The following RAD18 variants were observed in gnomAD, a reference collection of about 807,000 sequenced individuals.
The protein encoded by RAD18 is RAD18 E3 ubiquitin protein ligase.
Under a neutral mutation model 60.4 loss-of-function variants are expected in RAD18, and 47 were observed. The observed-to-expected ratio is 0.78, with a 90% CI of 0.62 to 0.99. The LOEUF is 0.99. Among genes scored for constraint, RAD18 ranks in the 50% least tolerant of loss-of-function variants. The pLI is 0.00. For synonymous variants in RAD18, 225 were observed against 195.5 expected (o/e 1.15, Z -1.26); for missense variants, 640 against 593.3 (o/e 1.08, Z -0.82).
At chr3:8,951,999 G>A (rs1312148975) in intron 2 of RAD18, among the ~76,000 whole-genome samples, 1 of 152,082 alleles carries the variant, frequency 6.6e-6, no homozygotes, top group East Asian at 1.9e-4. Context: ...CCCATCACTA[G>A]GGCTCCACTG....
chr3:8,936,736 CA>C (rs1940660034), intron 6 of RAD18, among the ~76,000 whole-genome samples: 1 of 152,190 alleles, frequency 6.6e-6, no homozygotes, highest in Non-Finnish European at 1.5e-5. Flanking sequence ...CTAGCTCACA[CA>C]AGGCTGTCCC....
At chr3:8,898,647 G>A (rs958063075) in intron 11 of RAD18, among the ~76,000 whole-genome samples, 7 of 151,946 alleles carry the variant, frequency 4.6e-5, no homozygotes, top group East Asian at 1.9e-4. Context: ...CTTTTCCAAC[G>A]GTAGGAAAAG....
At chr3:8,905,416 C>T (rs565676430) in intron 9 of RAD18, among the ~76,000 whole-genome samples, 118 of 152,180 alleles carry the variant, frequency 7.8e-4, no homozygotes, top group African/African-American at 2.8e-3. Flanking sequence ...AACCCAGAAC[C>T]CAGTGGTACA....
At chr3:8,884,379 C>T (rs1939521998) in intron 12 of RAD18, among the ~76,000 whole-genome samples, 1 of 152,138 alleles carries the variant, frequency 6.6e-6, no homozygotes, top group Non-Finnish European at 1.5e-5. Context: ...CAGAGAATTT[C>T]CACCATTTTT....
rs767322597 is a variant in RAD18, at chr3:8,902,480, C to G, written c.1068G>C (p.Gln356His). ...CAATTTTCTTGTATCCTTTTCTAGC[C>G]TGATCCACCAGAAGCTGAAATTCAC... ...HKSEFQLLVD[Q>H]ARKGYKKIAG... The change falls in exon 10 of 13, where the codon CAG becomes CAC. Residue 356 changes from glutamine to histidine, a missense_variant. Transcript: ENST00000264926. The G allele has an allele frequency of 1.2e-6, 2 of 1,607,452 alleles. No homozygotes were observed. Among genetic ancestry groups the G allele is most frequent in the African/African-American group, 1.3e-5 (1 of 74,446 alleles).
intron 4 of RAD18, among the ~76,000 whole-genome samples, chr3:8,945,405 T>C (rs1574824475): frequency 6.6e-6 from 1 of 151,758 alleles, no homozygotes; most frequent in East Asian, 1.9e-4. Context: ...TTCCCATTGC[T>C]AAGTGACATC....
intron 9 of RAD18, among the ~76,000 whole-genome samples, chr3:8,907,276 G>A (rs983709688): frequency 6.6e-6 from 1 of 151,998 alleles, no homozygotes; most frequent in East Asian, 1.9e-4. Context: ...CATATGTTTT[G>A]TACATTCATT....
At chr3:8,923,994 A>G (rs1354536938) in intron 7 of RAD18, among the ~76,000 whole-genome samples, 1 of 152,238 alleles carries the variant, frequency 6.6e-6, no homozygotes, top group African/African-American at 2.4e-5. Flanking sequence ...GGCTAGGAAG[A>G]AACTGCATCA....
At chr3:8,910,481 T>A (rs1238290377) in intron 9 of RAD18, among the ~76,000 whole-genome samples, 1 of 151,712 alleles carries the variant, frequency 6.6e-6, no homozygotes, top group African/African-American at 2.4e-5. Context: ...GCGCCTGTAC[T>A]CAGGAGGCGC....
intron 1 of RAD18, among the ~76,000 whole-genome samples, chr3:8,960,904 A>G (rs576118540): frequency 3.4e-4 from 52 of 152,332 alleles, no homozygotes; most frequent in Non-Finnish European, 5.9e-4. Flanking sequence ...CACATATTAC[A>G]TTTACAATAT....
chr3:8,949,320 C>T (rs1283198048), intron 2 of RAD18, among the ~76,000 whole-genome samples: 1 of 152,044 alleles, frequency 6.6e-6, no homozygotes, highest in Non-Finnish European at 1.5e-5. Flanking sequence ...GGAGACAGTA[C>T]AATTTCAGTA....
At chr3:8,939,211 T>C (rs1940702572) in intron 6 of RAD18, among the ~76,000 whole-genome samples, 1 of 152,136 alleles carries the variant, frequency 6.6e-6, no homozygotes, top group Non-Finnish European at 1.5e-5. Flanking sequence ...ATTCAGAGTC[T>C]AACCTTGCTT....
At chr3:8,937,635 C>T (rs751447561) in intron 6 of RAD18, among the ~76,000 whole-genome samples, 1 of 152,148 alleles carries the variant, frequency 6.6e-6, no homozygotes, top group African/African-American at 2.4e-5. Context: ...TAAAGAAGAA[C>T]ATGGCCCAGT....
At chr3:8,896,093 A>G (rs1303700567) in intron 11 of RAD18, among the ~76,000 whole-genome samples, 1 of 152,156 alleles carries the variant, frequency 6.6e-6, no homozygotes, top group African/African-American at 2.4e-5. Context: ...ACCCAAGCCC[A>G]TCTGGGCATG....
intron 7 of RAD18, among the ~76,000 whole-genome samples, chr3:8,920,009 G>A (rs45487296): frequency 7.8e-4 from 119 of 152,300 alleles, no homozygotes; most frequent in African/African-American, 2.8e-3. Context: ...CAGGCCGGGC[G>A]CAGTGGCTCA....
At chr3:8,923,034 C>T (rs1008280372) in intron 7 of RAD18, among the ~76,000 whole-genome samples, 2 of 152,200 alleles carry the variant, frequency 1.3e-5, no homozygotes, top group African/African-American at 4.8e-5. Context: ...AATGCAGCTC[C>T]TCACCAGCAA....
At position 8,948,527 on chromosome 3, in the gene RAD18, C is replaced by T. The variant is rs1194161948; in HGVS notation, c.177G>A (p.Gln59=). ...AACTCACCACACAGCAAGTTGGACA[C>T]TGAGTTTTATAGGACAGAAATTTTC... ...CIRKFLSYKT[Q]CPTCCVTVTE... Residue 59 remains glutamine (Q), a synonymous_variant, in exon 3 of 13, where the codon CAG becomes CAA. Coordinates refer to ENST00000264926, the MANE Select transcript of RAD18 (RefSeq NM_020165.4). 1.2e-6 allele frequency: 2 copies of T among 1,612,770 alleles called. No individual in the cohort carries two copies. Among genetic ancestry groups the T allele is most frequent in the Admixed American group, 1.7e-5 (1 of 59,928 alleles).
rs1249339471 is a variant in RAD18 at position 8,878,317 on chromosome 3, A to G, written c.*3040T>C. 1.3e-5 allele frequency: 2 copies of G among 152,316 alleles called. No individual in the cohort carries two copies. Among genetic ancestry groups the G allele is most frequent in the East Asian group, 1.9e-4 (1 of 5,182 alleles). The allele number at this position is 152,316 out of a possible 1,614,324, so 9.4% of individuals were successfully genotyped here. A position where few individuals can be genotyped will look rare whatever the true frequency, so the allele number is the denominator to read the frequency against. ...GGTGTTAATGTAAATACTTGTTTAC[A>G]GCCTCAGATAGTTGTTCTTAAGGAT... On this transcript the variant is annotated 3_prime_UTR_variant, in exon 13 of 13. Transcript: ENST00000264926.
chr3:8,931,132 A>C (rs2125063157), intron 7 of RAD18, among the ~76,000 whole-genome samples: 1 of 152,310 alleles, frequency 6.6e-6, no homozygotes, highest in South Asian at 2.1e-4. Context: ...TATGAAATCT[A>C]TAAAAAAGCA....
Sources: allele counts gnomAD v4.1 joint callset (sites outside exome capture counted in the v4.1 genomes callset), GRCh38; gene constraint gnomAD v4.1.1; transcripts MANE v1.5; gene names NCBI Gene and HGNC (gene_info 2026-07-23, HGNC 2026-07-21).